Variants in YJEFN3 observed in about 807,000 individuals in gnomAD.
YJEFN3 encodes the protein yjeF N-terminal domain-containing protein 3.
A neutral mutation model predicts 31.5 loss-of-function variants in YJEFN3; 29 were observed. The observed-to-expected ratio is 0.92, with a 90% CI of 0.69 to 1.26. The LOEUF is 1.26. Ranked by LOEUF, YJEFN3 falls within the 50% of genes most tolerant of loss-of-function variation. YJEFN3 has a pLI of 0.00. For synonymous variants in YJEFN3, 227 were observed against 196.1 expected (o/e 1.16, Z -1.32); for missense variants, 442 against 425.4 (o/e 1.04, Z -0.34).
intron 2 of YJEFN3, among the ~76,000 whole-genome samples, chr19:19,531,718 CTTTTTTTTTTT>C (rs56747140): frequency 1.1e-4 from 8 of 75,852 alleles, no homozygotes; most frequent in African/African-American, 5.3e-4. Context: ...AACAAATAAC[CTTTTTTTTTTT>C]TTTTTTTTTT....
rs763924420 is a variant in YJEFN3 at position 19,537,426 on chromosome 19, C to G, written c.802C>G (p.His268Asp). The G allele has an allele frequency of 6.3e-7, 1 of 1,590,348 alleles. No homozygotes were observed. Among genetic ancestry groups the G allele is most frequent in the Admixed American group, 1.7e-5 (1 of 58,832 alleles). ...CGCTGGCCGCTTCTCCGGGCGCCAC[C>G]ACTTCGTGGCCGGCAGGTTCGTGCC... is the stretch of plus-strand genomic sequence containing the variant. ...RCAGRFSGRH[H>D]FVAGRFVPDD... Residue 268 changes from histidine (H) to aspartate (D), a missense_variant, in exon 7 of 7, where the codon CAC becomes GAC. Transcript: ENST00000514277.
Position 19,532,675 on chromosome 19 carries a change from T to C in YJEFN3, c.253T>C (p.Tyr85His). 6.4e-7 allele frequency: 1 copy of C among 1,574,552 alleles called. No individual in the cohort carries two copies. The highest frequency in any genetic ancestry group is 8.6e-7 in the Non-Finnish European group (1 of 1,166,234). The change falls in exon 3 of 7, where the codon TAT becomes CAT. Residue 85 changes from tyrosine (Y) to histidine (H), a missense_variant. Coordinates refer to ENST00000514277, the MANE Select transcript of YJEFN3 (RefSeq NM_198537.4). The part of the protein sequence containing the change: ...AALERELLED[Y>H]RFGRQQLVEL... ...CCTGGAGCGGGAGCTGCTGGAGGAT[T>C]ATCGCTTTGGGCGGCAGCAGCTCGT... is the stretch of plus-strand genomic sequence containing the variant.
In YJEFN3 at chr19:19,534,619, C is replaced by A. The variant is rs1345684174; in HGVS notation, c.319-415C>A. 3 of 160,514 alleles carry A rather than the reference C, an allele frequency of 1.9e-5. No homozygotes were observed. Among genetic ancestry groups the A allele is most frequent in the Non-Finnish European group, 4.1e-5 (3 of 73,974 alleles). 9.9% of individuals were successfully genotyped at this position (160,514 alleles called of 1,614,324 possible). ...AGACACAGAGACAGCCAGAGAGAGA[C>A]AGAGAGGCCCCAGGGCATCGTGGCT... On this transcript the variant is annotated intron_variant, in intron 3 of 6. Coordinates refer to ENST00000514277, the MANE Select transcript of YJEFN3 (RefSeq NM_198537.4). This position sits in a 1 kb window ranked among gnomAD's most constrained non-coding sequence, Gnocchi z 4.6.
In YJEFN3 at chr19:19,534,785, G is replaced by A; in HGVS notation, c.319-249G>A. On this transcript the variant is annotated intron_variant, in intron 3 of 6. Transcript: ENST00000514277. The surrounding 1 kb of genome is among the most constrained non-coding windows in gnomAD (Gnocchi z 4.6). ...AAACAAACCGCACTCCGGGCGACGG[G>A]CAGTGGCTGGATGCACGTTTTTCCT... 2.6e-6 allele frequency: 1 copy of A among 381,360 alleles called. No homozygotes were observed. The highest frequency in any genetic ancestry group is 4.7e-6 in the Non-Finnish European group (1 of 213,758). The allele number at this position is 381,360 out of a possible 1,614,324, so 23.6% of individuals were successfully genotyped here.
chr19:19,536,048 AGCC>A (rs2061206282), intron 6 of YJEFN3: 3 of 521,482 alleles, frequency 5.8e-6, no homozygotes, highest in Non-Finnish European at 6.7e-6. Flanking sequence ...GCCGCTGGCC[AGCC>A]GGACCCTCCG....
At chr19:19,537,260 C>T (rs2061218550) in intron 6 of YJEFN3, 59 bp from the exon 7 acceptor site, 1 of 1,464,700 alleles carries the variant, frequency 6.8e-7, no homozygotes, top group South Asian at 1.3e-5. Flanking sequence ...AGGATGGACT[C>T]TAGGCTGAGG....
intron 6 of YJEFN3, chr19:19,535,904 G>A: frequency 1.6e-6 from 1 of 644,396 alleles, no homozygotes; most frequent in Non-Finnish European, 2.7e-6. Context: ...CCAGTGCCCA[G>A]CCCACATGCC....
chr19:19,531,291 A>T (rs890390393), intron 2 of YJEFN3, among the ~76,000 whole-genome samples: 34 of 152,208 alleles, frequency 2.2e-4, no homozygotes, highest in African/African-American at 8.2e-4. Context: ...TGGAGACACC[A>T]AGGGGGAAAG....
chr19:19,533,730 A>G, intron 3 of YJEFN3: 1 of 985,398 alleles, frequency 1.0e-6, no homozygotes, highest in Non-Finnish European at 1.2e-6. Context: ...TGTATTTCCA[A>G]ATGAAATAGA....
intron 1 of YJEFN3, 95 bp downstream of exon 1, chr19:19,529,086 A>G (rs569724782): frequency 6.6e-7 from 1 of 1,515,790 alleles, no homozygotes; most frequent in Non-Finnish European, 8.9e-7. Context: ...CTGGGACAGA[A>G]TGGGGTCCGG....
In YJEFN3 at chr19:19,535,583, G is replaced by A. The variant is rs375047525; in HGVS notation, c.598G>A (p.Gly200Ser). ...GGTGGTGGATGCCGTACTGGGCCCC[G>A]GCGTGGAGCCGGGCGAGGTCGGGGG... The part of the protein sequence containing the change: ...GLVVDAVLGP[G>S]VEPGEVGGPC... The change falls in exon 6 of 7, where the codon GGC becomes AGC. Residue 200 changes from glycine to serine, a missense_variant. Transcript: ENST00000514277. 42 of 1,581,750 alleles carry A rather than the reference G, an allele frequency of 2.7e-5. No homozygotes were observed. In the East Asian group the frequency reaches 3.6e-4, roughly 14 times the overall value.
chr19:19,534,381 C>A lies in YJEFN3; in HGVS notation c.319-653C>A. On this transcript the variant is annotated intron_variant, in intron 3 of 6. Transcript: ENST00000514277. This position sits in a 1 kb window ranked among gnomAD's most constrained non-coding sequence, Gnocchi z 4.6. ...AGAGAGACAGAGACACAAAGAGAGC[C>A]AGAGACACAGAGAGTCTGAGAGATA... is the stretch of plus-strand genomic sequence containing the variant. 1 of 167,452 alleles carries A rather than the reference C, an allele frequency of 6.0e-6. No individual in the cohort carries two copies. The highest frequency in any genetic ancestry group is 2.4e-5 in the African/African-American group (1 of 41,482). The allele number at this position is 167,452 out of a possible 1,614,324, so 10.4% of individuals were successfully genotyped here.
At chr19:19,536,468 G>A (rs2061210517) in intron 6 of YJEFN3, among the ~76,000 whole-genome samples, 1 of 151,878 alleles carries the variant, frequency 6.6e-6, no homozygotes, top group South Asian at 2.1e-4. Flanking sequence ...GTCACCTGAT[G>A]TCAGGAGTTC....
At chr19:19,529,276 C>T in intron 1 of YJEFN3, 88 bp from the exon 2 acceptor site, 6 of 1,488,820 alleles carry the variant, frequency 4.0e-6, no homozygotes, top group Middle Eastern at 2.5e-4. Flanking sequence ...CGGGGCAGCC[C>T]GCCCCTCATG....
rs769360588 is a variant in YJEFN3, at chr19:19,535,554, G to T, written c.569G>T (p.Gly190Val). 1.9e-6 allele frequency: 3 copies of T among 1,593,476 alleles called. No individual in the cohort carries two copies. Among genetic ancestry groups the T allele is most frequent in the Non-Finnish European group, 2.6e-6 (3 of 1,168,386 alleles). ...TEVQLINEAYGLVVDAVLGPG... is the reference protein window; with the variant it reads ...TEVQLINEAYVLVVDAVLGPG... ...GTGCAGCTCATTAACGAAGCCTATG[G>T]GCTGGTGGTGGATGCCGTACTGGGC... is the stretch of plus-strand genomic sequence containing the variant. Residue 190 changes from glycine (G) to valine (V), a missense_variant, in exon 6 of 7, where the codon GGG (glycine) becomes GTG (valine). Gly to Val is a moderately radical substitution (Grantham distance 109). Transcript: ENST00000514277.
chr19:19,535,051 T>C lies in YJEFN3; in HGVS notation c.336T>C (p.Ala112=). 1 of 1,604,562 alleles carries C rather than the reference T, an allele frequency of 6.2e-7. No homozygotes were observed. The highest frequency in any genetic ancestry group is 1.1e-5 in the South Asian group (1 of 89,992). ...ACCACCAGGCGTTCCCGTTGCCCGC[T>C]CTCTCCCGGAAGCAGAGGACGGTGC... The part of the protein sequence containing the change: ...VAVTKAFPLP[A]LSRKQRTVLV... Residue 112 remains alanine (A), a synonymous_variant, in exon 4 of 7, where the codon GCT becomes GCC. Coordinates refer to ENST00000514277, the MANE Select transcript of YJEFN3 (RefSeq NM_198537.4).
At chr19:19,535,752 T>C (rs2061203851) in intron 6 of YJEFN3, 73 bp downstream of exon 6, 2 of 1,520,302 alleles carry the variant, frequency 1.3e-6, no homozygotes, top group East Asian at 2.5e-5. Context: ...CAGCTCCTGG[T>C]CGCCCCTGCC....
rs1033929241 is a variant in YJEFN3, at chr19:19,533,711, T to C, written c.318+971T>C. 3 of 985,320 alleles carry C rather than the reference T, an allele frequency of 3.0e-6. No homozygotes were observed. The African/African-American group carries it at 5.2e-5, about 17-fold the overall frequency. The allele number at this position is 985,320 out of a possible 1,614,324, so 61.0% of individuals were successfully genotyped here. On this transcript the variant is annotated intron_variant, in intron 3 of 6. Coordinates refer to ENST00000514277, the MANE Select transcript of YJEFN3 (RefSeq NM_198537.4). ...ACTCAATGTTTTTCTTCATGTGGAC[T>C]TAAATGTTTGTATTTCCAAATGAAA... is the stretch of plus-strand genomic sequence containing the variant.
rs2061168708 is a variant in YJEFN3, at chr19:19,532,613, C to T, written c.210-19C>T. On this transcript the variant is annotated intron_variant, in intron 2 of 6. Coordinates refer to ENST00000514277, the MANE Select transcript of YJEFN3 (RefSeq NM_198537.4). ...TGTCTCTGTGTGTCTCTGAGTGTCC[C>T]ATCCCACTCTGTCCCCAGCACCGCG... The T allele has an allele frequency of 1.3e-6, 2 of 1,493,124 alleles. No homozygotes were observed. Among genetic ancestry groups the T allele is most frequent in the Non-Finnish European group, 1.8e-6 (2 of 1,110,720 alleles). 92.5% of individuals were successfully genotyped at this position (1,493,124 alleles called of 1,614,324 possible).
Sources: gnomAD v4.1 joint callset for allele counts (sites outside exome capture counted in the v4.1 genomes callset) on GRCh38, gnomAD v4.1.1 for gene constraint, Gnocchi (gnomAD v3.1) non-coding constraint, MANE v1.5 for transcripts, NCBI Gene and HGNC (gene_info 2026-07-23, HGNC 2026-07-21) for gene names.